Variants in DGKI observed in about 807,000 individuals in gnomAD.
DGKI encodes diacylglycerol kinase iota.
Under a neutral mutation model 147.5 loss-of-function variants are expected in DGKI, and 55 were observed. That is an observed-to-expected ratio of 0.37 (90% CI 0.30 to 0.47). The LOEUF (loss-of-function observed/expected upper bound fraction) is 0.47, where lower values mean the gene tolerates loss of function less well. DGKI is among the 20% of genes least tolerant of loss of function. The pLI is 1.00. For missense variants in DGKI, 1,007 were observed against 1,323.8 expected (o/e 0.76, Z 3.71); for synonymous variants, 469 against 477.1 (o/e 0.98, Z 0.22).
intron 1 of DGKI, among the ~76,000 whole-genome samples, chr7:137,702,940 T>C (rs960944313): frequency 1.3e-5 from 2 of 152,262 alleles, no homozygotes; most frequent in South Asian, 4.1e-4. Context: ...GCAAAAATCT[T>C]AAAAGGAAAA....
chr7:137,431,248 CT>C (rs5887839), intron 28 of DGKI, among the ~76,000 whole-genome samples: 49,890 of 145,904 alleles, frequency 0.34, 9,137 homozygotes, highest in East Asian at 0.64. Context: ...TATAAAATAC[CT>C]TTTTTTTTTT....
At chr7:137,410,037 A>C (rs184357563) in intron 29 of DGKI, among the ~76,000 whole-genome samples, 1 of 152,350 alleles carries the variant, frequency 6.6e-6, no homozygotes, top group Non-Finnish European at 1.5e-5. Flanking sequence ...ATATTTGAGA[A>C]GGAAAATAAG....
intron 28 of DGKI, among the ~76,000 whole-genome samples, chr7:137,429,874 G>C (rs1812990471): frequency 8.3e-6 from 1 of 120,094 alleles, no homozygotes; most frequent in Non-Finnish European, 1.7e-5. Context: ...ACACCAGTTA[G>C]AATGGCAATC....
intron 6 of DGKI, among the ~76,000 whole-genome samples, chr7:137,644,903 C>A (rs974380687): frequency 6.6e-6 from 1 of 152,188 alleles, no homozygotes; most frequent in Non-Finnish European, 1.5e-5. Context: ...AACACCCCCA[C>A]CCCTTGCTCC....
At chr7:137,529,167 T>C (rs1817251470) in intron 20 of DGKI, among the ~76,000 whole-genome samples, 1 of 152,166 alleles carries the variant, frequency 6.6e-6, no homozygotes, top group African/African-American at 2.4e-5. Context: ...CCATGGAAAT[T>C]TGTAATAAAT....
chr7:137,643,189 G>A (rs886865774), intron 6 of DGKI, among the ~76,000 whole-genome samples: 6 of 151,188 alleles, frequency 4.0e-5, no homozygotes, highest in African/African-American at 1.5e-4. Flanking sequence ...TACTTGGGAG[G>A]CTGAGGCAGG....
In DGKI at chr7:137,654,720, T is replaced by G; in HGVS notation, c.738+12A>C. ...AAAGGTGATACTTGAAATCAAGCTC[T>G]GAAATACTCACTTCTCTTGGTGACC... On this transcript the variant is annotated intron_variant, in intron 5 of 32. Coordinates refer to ENST00000614521, the MANE Select transcript of DGKI (RefSeq NM_001321708.2). 6.3e-7 allele frequency: 1 copy of G among 1,578,688 alleles called. No individual in the cohort carries two copies. The highest frequency in any genetic ancestry group is 8.7e-7 in the Non-Finnish European group (1 of 1,148,824).
intron 27 of DGKI, among the ~76,000 whole-genome samples, chr7:137,445,656 T>C (rs1813686775): frequency 6.6e-6 from 1 of 152,174 alleles, no homozygotes; most frequent in Non-Finnish European, 1.5e-5. Context: ...ACACTGATAT[T>C]CAGACTGACA....
intron 28 of DGKI, among the ~76,000 whole-genome samples, chr7:137,430,468 TG>T (rs1427955811): frequency 1.3e-5 from 2 of 151,760 alleles, no homozygotes; most frequent in Non-Finnish European, 2.9e-5. Context: ...GACGTGTTAA[TG>T]GGTGCAGCAC....
At chr7:137,510,047 C>A (rs1816526665) in intron 21 of DGKI, among the ~76,000 whole-genome samples, 1 of 152,200 alleles carries the variant, frequency 6.6e-6, no homozygotes, top group Admixed American at 6.5e-5. Flanking sequence ...TTCGTAATGG[C>A]CTTTTTCCTA....
intron 26 of DGKI, among the ~76,000 whole-genome samples, chr7:137,464,661 A>G (rs4585690): frequency 0.044 from 6,679 of 152,300 alleles, 467 homozygotes; most frequent in African/African-American, 0.15. Flanking sequence ...CTTGGTACAT[A>G]TTGGACATCA....
At chr7:137,463,070 G>C (rs1216487775) in intron 27 of DGKI, among the ~76,000 whole-genome samples, 1 of 152,096 alleles carries the variant, frequency 6.6e-6, no homozygotes, top group African/African-American at 2.4e-5. Flanking sequence ...ACAGGCTCAG[G>C]ACTGAGGACC....
At chr7:137,720,326 C>T (rs934918531) in intron 1 of DGKI, among the ~76,000 whole-genome samples, 17 of 138,344 alleles carry the variant, frequency 1.2e-4, no homozygotes, top group African/African-American at 3.1e-4. Context: ...GGTGCGATCT[C>T]GGCTCACTGC....
At chr7:137,692,017 C>T (rs117898879) in intron 1 of DGKI, among the ~76,000 whole-genome samples, 2,790 of 152,100 alleles carry the variant, frequency 0.018, 48 homozygotes, top group Middle Eastern at 0.031. Context: ...ACAATATTCT[C>T]GTTCCTCACT....
chr7:137,647,959 T>A (rs1821888067), intron 5 of DGKI, among the ~76,000 whole-genome samples: 1 of 152,190 alleles, frequency 6.6e-6, no homozygotes, highest in Admixed American at 6.5e-5. Context: ...AAGGTCAAAG[T>A]GAGGGTCCAA....
intron 14 of DGKI, among the ~76,000 whole-genome samples, chr7:137,584,313 G>A (rs1466284866): frequency 6.6e-6 from 1 of 152,022 alleles, no homozygotes; most frequent in African/African-American, 2.4e-5. Flanking sequence ...TTCAATCATA[G>A]AAGGAAAATG....
intron 15 of DGKI, 110 bp from the exon 16 acceptor site, chr7:137,578,435 A>ATCC (rs1264988057): frequency 5.3e-6 from 4 of 753,766 alleles, no homozygotes; most frequent in Non-Finnish European, 9.3e-6. Context: ...GATCCAATAG[A>ATCC]TCCCATGGTT....
At chr7:137,543,593 C>T (rs746264806) in intron 20 of DGKI, among the ~76,000 whole-genome samples, 1 of 152,054 alleles carries the variant, frequency 6.6e-6, no homozygotes, top group Non-Finnish European at 1.5e-5. Context: ...ACAATTGCTT[C>T]AAGAGCAGCA....
intron 10 of DGKI, among the ~76,000 whole-genome samples, chr7:137,607,642 C>T (rs937947979): frequency 5.7e-4 from 87 of 152,168 alleles, no homozygotes; most frequent in Admixed American, 5.7e-3. Context: ...TGGCCAAAAT[C>T]ATGGAACTAA....
Sources: allele counts gnomAD v4.1 joint callset (sites outside exome capture counted in the v4.1 genomes callset), GRCh38; gene constraint gnomAD v4.1.1; transcripts MANE v1.5; gene names NCBI Gene and HGNC (gene_info 2026-07-23, HGNC 2026-07-21).